Variants in CRACD observed in about 807,000 individuals in gnomAD.
CRACD encodes the protein capping protein-inhibiting regulator of actin dynamics.
A neutral mutation model predicts 106.8 loss-of-function variants in CRACD; 56 were observed. The observed-to-expected ratio is 0.52, with a 90% CI of 0.42 to 0.66. CRACD has a LOEUF of 0.66. CRACD is among the 30% of genes least tolerant of loss of function. CRACD has a pLI of 0.00. For synonymous variants in CRACD, 754 were observed against 670.8 expected (o/e 1.12, Z -1.92); for missense variants, 1,730 against 1,623.2 (o/e 1.07, Z -1.13).
At chr4:56,201,819 A>G (rs1310828079) in intron 2 of CRACD, among the ~76,000 whole-genome samples, 1 of 152,200 alleles carries the variant, frequency 6.6e-6, no homozygotes, top group Non-Finnish European at 1.5e-5. Flanking sequence ...GCTTAATAGC[A>G]TGTATTAAGA....
chr4:56,225,903 C>T (rs1263715390), intron 2 of CRACD, among the ~76,000 whole-genome samples: 2 of 152,216 alleles, frequency 1.3e-5, no homozygotes, highest in Non-Finnish European at 2.9e-5. Context: ...TCTTGGAAGT[C>T]ACATCTTCAA....
chr4:56,242,433 A>G (rs550938707), intron 2 of CRACD, among the ~76,000 whole-genome samples: 1 of 152,214 alleles, frequency 6.6e-6, no homozygotes, highest in East Asian at 1.9e-4. Flanking sequence ...GCTCTTCCAA[A>G]TCCCCTACAT....
At chr4:56,262,252 C>T (rs1390097146) in intron 2 of CRACD, among the ~76,000 whole-genome samples, 3 of 152,232 alleles carry the variant, frequency 2.0e-5, no homozygotes, top group Admixed American at 2.0e-4. Flanking sequence ...TGTAACACTG[C>T]GTGTTGATGG....
intron 4 of CRACD, among the ~76,000 whole-genome samples, chr4:56,301,405 G>A (rs545861268): frequency 1.3e-5 from 2 of 152,256 alleles, no homozygotes; most frequent in East Asian, 3.9e-4. Flanking sequence ...TGTGTCTGAG[G>A]CATGTATGTT....
chr4:56,227,148 C>A (rs1033264340), intron 2 of CRACD, among the ~76,000 whole-genome samples: 9 of 152,114 alleles, frequency 5.9e-5, no homozygotes, highest in African/African-American at 2.2e-4. Context: ...TAAAAGTGGT[C>A]AACATAATGT....
intron 1 of CRACD, among the ~76,000 whole-genome samples, chr4:56,050,240 A>G (rs1731828048): frequency 6.7e-6 from 1 of 149,378 alleles, no homozygotes; most frequent in African/African-American, 2.5e-5. Flanking sequence ...TTTAGGAATA[A>G]TGGCTGGGAA....
intron 1 of CRACD, among the ~76,000 whole-genome samples, chr4:56,091,953 C>G (rs772191428): frequency 6.6e-6 from 1 of 152,060 alleles, no homozygotes; most frequent in Admixed American, 6.6e-5. Flanking sequence ...GAGGCTGACA[C>G]GGGAGACTCG....
At chr4:56,049,670 G>A (rs1344953903) in intron 1 of CRACD, among the ~76,000 whole-genome samples, 3 of 152,168 alleles carry the variant, frequency 2.0e-5, no homozygotes, top group African/African-American at 7.2e-5. Context: ...GCAAGGGCCA[G>A]AACCAGACCT....
At chr4:56,197,351 C>A (rs2109466745) in intron 2 of CRACD, among the ~76,000 whole-genome samples, 1 of 152,058 alleles carries the variant, frequency 6.6e-6, no homozygotes, top group African/African-American at 2.4e-5. Flanking sequence ...TAATTCAGAG[C>A]AGAGTTTCTC....
At chr4:56,108,356 T>G (rs1225936505) in intron 1 of CRACD, among the ~76,000 whole-genome samples, 1 of 151,994 alleles carries the variant, frequency 6.6e-6, no homozygotes, top group Non-Finnish European at 1.5e-5. Flanking sequence ...TGCACAAACC[T>G]CAGTCTGTGC....
intron 1 of CRACD, among the ~76,000 whole-genome samples, chr4:56,176,884 A>G (rs1736606483): frequency 6.6e-6 from 1 of 152,220 alleles, no homozygotes. Context: ...TGGCATATAG[A>G]AATACTACTG....
chr4:56,314,938 C>A lies in CRACD; in HGVS notation c.1436C>A (p.Pro479His). ...GDFQGADRPG[P>H]EEKREEGDTE... ...TTCCAGGGGGCCGATCGTCCTGGGC[C>A]CGAGGAAAAGAGAGAAGAAGGGGAC... The change falls in exon 8 of 11, where the codon CCC (proline) becomes CAC (histidine). Residue 479 changes from proline to histidine, a missense_variant. Transcript: ENST00000682029. This position sits in a 1 kb window ranked among gnomAD's most constrained non-coding sequence, Gnocchi z 4.4. 1 of 1,599,038 alleles carries A rather than the reference C, an allele frequency of 6.3e-7. No individual in the cohort carries two copies. The highest frequency in any genetic ancestry group is 8.5e-7 in the Non-Finnish European group (1 of 1,174,290).
At chr4:56,084,589 C>T (rs988598331) in intron 1 of CRACD, among the ~76,000 whole-genome samples, 1 of 152,028 alleles carries the variant, frequency 6.6e-6, no homozygotes, top group Admixed American at 6.6e-5. Context: ...CAGTGCCAGC[C>T]AGCACCAAGA....
intron 1 of CRACD, among the ~76,000 whole-genome samples, chr4:56,079,841 ACGAC>A (rs1272072242): frequency 6.6e-6 from 1 of 152,098 alleles, no homozygotes; most frequent in East Asian, 1.9e-4. Flanking sequence ...CTTTTTTCCA[ACGAC>A]GGAAGGCAAG....
intron 1 of CRACD, among the ~76,000 whole-genome samples, chr4:56,139,959 T>A (rs1010176393): frequency 1.3e-5 from 2 of 152,212 alleles, no homozygotes; most frequent in African/African-American, 4.8e-5. Context: ...ATTTGGTATT[T>A]AGGTTTTTCA....
At chr4:56,246,769 TG>T (rs1740706355) in intron 2 of CRACD, 1 of 152,162 alleles carries the variant, frequency 6.6e-6, no homozygotes, top group Non-Finnish European at 1.5e-5. Flanking sequence ...AATTGGGAAA[TG>T]GGGGAAGAAA....
At chr4:56,158,866 C>T (rs776074691) in intron 1 of CRACD, among the ~76,000 whole-genome samples, 1 of 152,216 alleles carries the variant, frequency 6.6e-6, no homozygotes, top group Non-Finnish European at 1.5e-5. Context: ...CCTGTGAACT[C>T]CAGAGAAATA....
Position 56,314,439 on chromosome 4 carries a change from C to G in CRACD, c.937C>G (p.Arg313Gly), listed in dbSNP as rs753045731. ...GCGGAGGGAGCGTGAGGAGCGCGAG[C>G]GCCTGGAGGCGGAGGAGGAGCGAAG... ...AERREREERE[R>G]LEAEEERRRL... The change falls in exon 8 of 11, where the codon CGC (arginine) becomes GGC (glycine). Residue 313 changes from arginine (R) to glycine (G), a missense_variant. Physicochemically the swap from Arg to Gly is moderately radical, Grantham distance 125 (BLOSUM62 -2). Coordinates refer to ENST00000682029, the MANE Select transcript of CRACD (RefSeq NM_001393381.1). This position sits in a 1 kb window ranked among gnomAD's most constrained non-coding sequence, Gnocchi z 4.4. 5 of 1,484,444 alleles carry G rather than the reference C, an allele frequency of 3.4e-6. No individual in the cohort carries two copies. Among genetic ancestry groups the G allele is most frequent in the South Asian group, 1.2e-5 (1 of 81,410 alleles). The allele number at this position is 1,484,444 out of a possible 1,614,324, so 92.0% of individuals were successfully genotyped here.
Position 56,327,678 on chromosome 4 carries a change from G to C in CRACD, c.3576G>C (p.Leu1192=). 1 of 1,613,898 alleles carries C rather than the reference G, an allele frequency of 6.2e-7. No individual in the cohort carries two copies. The highest frequency in any genetic ancestry group is 8.5e-7 in the Non-Finnish European group (1 of 1,179,950). ...EISDSAPPAP[L]VKEVTKRFST... ...CCGACTCGGCTCCCCCAGCGCCGCT[G>C]GTAAAAGAAGTCACCAAGAGGTTTT... Residue 1192 remains leucine (L), a synonymous_variant, in exon 11 of 11, where the codon CTG becomes CTC. Coordinates refer to ENST00000682029, the MANE Select transcript of CRACD (RefSeq NM_001393381.1).
Sources: allele counts gnomAD v4.1 joint callset (sites outside exome capture counted in the v4.1 genomes callset), GRCh38; gene constraint gnomAD v4.1.1; non-coding constraint Gnocchi (gnomAD v3.1); transcripts MANE v1.5; gene names NCBI Gene and HGNC (gene_info 2026-07-23, HGNC 2026-07-21).